PLCB1: variants seen among roughly 807,000 people sequenced by gnomAD.
PLCB1 encodes the protein 1-phosphatidylinositol 4,5-bisphosphate phosphodiesterase beta-1.
Under a neutral mutation model 161.8 loss-of-function variants are expected in PLCB1, and 46 were observed. The observed-to-expected ratio is 0.28, with a 90% CI of 0.22 to 0.36. The LOEUF (loss-of-function observed/expected upper bound fraction) is 0.36. PLCB1 is among the 10% of genes least tolerant of loss of function. The pLI is 1.00. For synonymous variants in PLCB1, 517 were observed against 503.7 expected (o/e 1.03, Z -0.35); for missense variants, 1,016 against 1,472.5 (o/e 0.69, Z 5.07).
intron 2 of PLCB1, among the ~76,000 whole-genome samples, chr20:8,263,959 C>T (rs1981831661): frequency 1.3e-5 from 2 of 151,972 alleles, no homozygotes; most frequent in South Asian, 4.2e-4. Context: ...ATAAACTTTT[C>T]CCCTCAATAA....
intron 31 of PLCB1, among the ~76,000 whole-genome samples, chr20:8,808,421 C>G (rs1473051954): frequency 6.6e-6 from 1 of 152,138 alleles, no homozygotes; most frequent in Non-Finnish European, 1.5e-5. Flanking sequence ...CCAGCCCCAT[C>G]AGATCAGGGA....
intron 2 of PLCB1, among the ~76,000 whole-genome samples, chr20:8,251,992 G>C (rs1041810028): frequency 2.6e-5 from 4 of 151,946 alleles, no homozygotes; most frequent in Non-Finnish European, 4.4e-5. Context: ...AGGAAGCCCT[G>C]AAGGACCTAG....
chr20:8,515,572 T>A (rs1984074698), intron 3 of PLCB1, among the ~76,000 whole-genome samples: 1 of 152,210 alleles, frequency 6.6e-6, no homozygotes, highest in Admixed American at 6.5e-5. Flanking sequence ...AATTAGAACC[T>A]CCTTCCCAAT....
chr20:8,708,155 A>C (rs1167169879), intron 11 of PLCB1, among the ~76,000 whole-genome samples: 1 of 152,138 alleles, frequency 6.6e-6, no homozygotes, highest in African/African-American at 2.4e-5. Flanking sequence ...TGAACTGTAC[A>C]CTTTCAATGG....
chr20:8,377,129 T>C (rs557012926), intron 3 of PLCB1, among the ~76,000 whole-genome samples: 1 of 152,048 alleles, frequency 6.6e-6, no homozygotes, highest in South Asian at 2.1e-4. Context: ...GGGAAACAGA[T>C]AACAGATAAG....
chr20:8,417,312 C>T (rs1195582793), intron 3 of PLCB1, among the ~76,000 whole-genome samples: 1 of 150,658 alleles, frequency 6.6e-6, no homozygotes, highest in Admixed American at 6.6e-5. Flanking sequence ...TATTTTTTGT[C>T]TCTGGTGTGT....
chr20:8,596,776 C>A (rs1361665366), intron 3 of PLCB1, among the ~76,000 whole-genome samples: 2 of 103,318 alleles, frequency 1.9e-5, no homozygotes, highest in African/African-American at 3.8e-5. Context: ...CTTTTATTTC[C>A]TTGAGCAGTG....
intron 11 of PLCB1, among the ~76,000 whole-genome samples, chr20:8,708,117 A>G (rs1037378682): frequency 2.6e-5 from 4 of 152,106 alleles, no homozygotes; most frequent in Non-Finnish European, 4.4e-5. Context: ...TGGTGCTCGC[A>G]TGACTCTCTG....
intron 31 of PLCB1, among the ~76,000 whole-genome samples, chr20:8,862,153 CT>C (rs1987280054): frequency 6.6e-6 from 1 of 152,236 alleles, no homozygotes. Context: ...TACATTTAGT[CT>C]TGTTTTGATG....
chr20:8,220,584 G>T (rs1422147435), intron 2 of PLCB1, among the ~76,000 whole-genome samples: 1 of 152,198 alleles, frequency 6.6e-6, no homozygotes, highest in Non-Finnish European at 1.5e-5. Flanking sequence ...AGATTGGGGT[G>T]ATACAGCTGC....
In PLCB1 at chr20:8,132,381, T is replaced by C. The variant is rs1375281367; in HGVS notation, c.-271T>C. ...AGCCTCGGCTGACCGGCTCGGCTTCTCTTCGCCTTCCGAGGCTCCTCATCC... is the reference window on the plus strand; with the variant it reads ...AGCCTCGGCTGACCGGCTCGGCTTCCCTTCGCCTTCCGAGGCTCCTCATCC... On this transcript the variant is annotated 5_prime_UTR_variant, in exon 1 of 32. Coordinates refer to ENST00000338037, the MANE Select transcript of PLCB1 (RefSeq NM_015192.4). This position sits in a 1 kb window ranked among gnomAD's most constrained non-coding sequence, Gnocchi z 5.2. 3 of 270,990 alleles carry C rather than the reference T, an allele frequency of 1.1e-5. No individual in the cohort carries two copies. Among genetic ancestry groups the C allele is most frequent in the Non-Finnish European group, 2.1e-5 (3 of 145,388 alleles). The allele number at this position is 270,990 out of a possible 1,614,324, so 16.8% of individuals were successfully genotyped here. A position where few individuals can be genotyped will look rare whatever the true frequency, so the allele number is the denominator to read the frequency against.
intron 3 of PLCB1, among the ~76,000 whole-genome samples, chr20:8,478,203 A>G (rs1296469829): frequency 6.6e-6 from 1 of 152,236 alleles, no homozygotes; most frequent in Admixed American, 6.5e-5. Context: ...GCCTAGCATC[A>G]TGCTAAGGAT....
chr20:8,501,767 C>A (rs1983417539), intron 3 of PLCB1, among the ~76,000 whole-genome samples: 1 of 151,218 alleles, frequency 6.6e-6, no homozygotes, highest in Admixed American at 6.6e-5. Context: ...GTCTTAAGGC[C>A]TTAACATGTA....
At chr20:8,492,964 C>T (rs1163220587) in intron 3 of PLCB1, among the ~76,000 whole-genome samples, 1 of 151,906 alleles carries the variant, frequency 6.6e-6, no homozygotes, top group East Asian at 1.9e-4. Context: ...TCATCGTAAA[C>T]AGGTCAAACT....
intron 2 of PLCB1, among the ~76,000 whole-genome samples, chr20:8,295,835 G>C (rs540178253): frequency 5.1e-4 from 78 of 151,898 alleles, no homozygotes; most frequent in African/African-American, 1.8e-3. Context: ...TCAGCCTCCC[G>C]AGTAGATGGG....
intron 23 of PLCB1, among the ~76,000 whole-genome samples, chr20:8,742,790 G>A (rs1200721670): frequency 6.6e-6 from 1 of 152,066 alleles, no homozygotes; most frequent in Non-Finnish European, 1.5e-5. Flanking sequence ...CCAATTATTG[G>A]ATATTTGCAA....
intron 31 of PLCB1, among the ~76,000 whole-genome samples, chr20:8,820,049 G>A (rs1015705811): frequency 2.0e-5 from 3 of 147,826 alleles, no homozygotes; most frequent in Non-Finnish European, 4.5e-5. Flanking sequence ...TACCTAAAAT[G>A]CCATATAAAT....
chr20:8,417,026 T>TAC (rs5840263), intron 3 of PLCB1, among the ~76,000 whole-genome samples: 1,538 of 66,564 alleles, frequency 0.023, 57 homozygotes, highest in African/African-American at 0.067. Flanking sequence ...TATATGTGTA[T>TAC]ACACACACAC....
At chr20:8,651,267 A>G in intron 7 of PLCB1, 2 of 573,040 alleles carry the variant, frequency 3.5e-6, no homozygotes, top group South Asian at 4.8e-5. Context: ...TTATGATTGA[A>G]TTATAAAAGT....
Sources: gnomAD v4.1 joint callset for allele counts (sites outside exome capture counted in the v4.1 genomes callset) on GRCh38, gnomAD v4.1.1 for gene constraint, Gnocchi (gnomAD v3.1) non-coding constraint, MANE v1.5 for transcripts, NCBI Gene and HGNC (gene_info 2026-07-23, HGNC 2026-07-21) for gene names.